CPQ: variants seen among roughly 807,000 people sequenced by gnomAD.
CPQ encodes the protein Ser-Met dipeptidase.
CPQ carries 37 observed loss-of-function variants against 45.7 expected under a neutral mutation model. That is an observed-to-expected ratio of 0.81 (90% CI 0.62 to 1.07). The LOEUF is 1.07. CPQ is among the 50% of genes least tolerant of loss of function. The pLI is 0.00. For synonymous variants in CPQ, 186 were observed against 205.8 expected, an observed-to-expected ratio of 0.90 and a Z score of 0.82; for missense variants, 537 against 572.9, an observed-to-expected ratio of 0.94 and a Z score of 0.64.
At chr8:96,738,689 C>T (rs1469604925) in intron 1 of CPQ, among the ~76,000 whole-genome samples, 2 of 152,094 alleles carry the variant, frequency 1.3e-5, no homozygotes, top group African/African-American at 2.4e-5. Context: ...CAATTCCCAC[C>T]TATGAGTGAG....
intron 7 of CPQ, among the ~76,000 whole-genome samples, chr8:97,090,135 G>A (rs930653698): frequency 1.3e-5 from 2 of 152,196 alleles, no homozygotes; most frequent in African/African-American, 4.8e-5. Context: ...CACACGAATG[G>A]ATGTTTGATG....
intron 2 of CPQ, among the ~76,000 whole-genome samples, chr8:96,827,020 CA>C (rs1223140202): frequency 6.6e-6 from 1 of 151,912 alleles, no homozygotes; most frequent in Non-Finnish European, 1.5e-5. Context: ...TTCTTAGAGA[CA>C]ATGCCAAATC....
intron 5 of CPQ, among the ~76,000 whole-genome samples, chr8:97,005,028 T>C (rs1270724534): frequency 6.6e-6 from 1 of 152,096 alleles, no homozygotes; most frequent in African/African-American, 2.4e-5. Flanking sequence ...AAGGCCTCTA[T>C]AAATGTGACT....
intron 1 of CPQ, among the ~76,000 whole-genome samples, chr8:96,687,965 T>G (rs1809254105): frequency 6.6e-6 from 1 of 152,152 alleles, no homozygotes; most frequent in Non-Finnish European, 1.5e-5. Context: ...GTATATCACT[T>G]AATTTTATTT....
At chr8:96,798,757 G>A (rs1810968229) in intron 2 of CPQ, among the ~76,000 whole-genome samples, 1 of 151,836 alleles carries the variant, frequency 6.6e-6, no homozygotes, top group South Asian at 2.1e-4. Flanking sequence ...AAATTTAATT[G>A]TTCTTTCATC....
chr8:96,835,272 G>A, intron 3 of CPQ, 92 bp downstream of exon 3: 1 of 1,003,500 alleles, frequency 1.0e-6, no homozygotes, highest in Non-Finnish European at 1.4e-6. Flanking sequence ...CCATTCAAAT[G>A]AAAATACTTA....
chr8:96,787,009 C>A (rs1586400589), intron 2 of CPQ, among the ~76,000 whole-genome samples: 1 of 151,944 alleles, frequency 6.6e-6, no homozygotes, highest in African/African-American at 2.4e-5. Context: ...ATATTTGCTA[C>A]AGAAATATTT....
At chr8:96,712,326 G>C (rs1477874135) in intron 1 of CPQ, among the ~76,000 whole-genome samples, 1 of 152,172 alleles carries the variant, frequency 6.6e-6, no homozygotes, top group African/African-American at 2.4e-5. Context: ...GGAGGACAGT[G>C]GCCCTCTTCT....
rs764110279 is a variant in CPQ, at chr8:96,774,270, C to CAA, written c.-34-10580_-34-10579dup. On this transcript the variant is annotated intron_variant, in intron 1 of 7. Coordinates refer to ENST00000220763, the MANE Select transcript of CPQ (RefSeq NM_016134.4). The stretch of plus-strand genomic sequence containing the variant: ...TGGGTGACAGAGCGAGACTCAGTCT[C>CAA]AAAAAAAAAAAAAAAGTTTCAACAT... 4.1e-3 allele frequency among the ~76,000 whole-genome samples: 447 copies of CAA among 108,706 alleles called. 5 individuals carry two copies. Among genetic ancestry groups the CAA allele is most frequent in the African/African-American group, 0.014 (424 of 29,382 alleles). 71.3% of individuals were successfully genotyped at this position (108,706 alleles called of 152,430 possible).
intron 3 of CPQ, among the ~76,000 whole-genome samples, chr8:96,873,535 TC>T (rs750621738): frequency 2.6e-5 from 4 of 151,886 alleles, no homozygotes; most frequent in Non-Finnish European, 4.4e-5. Flanking sequence ...TTGAAAATTT[TC>T]CAAGAGTTAT....
At chr8:96,671,072 T>G (rs189721959) in intron 1 of CPQ, among the ~76,000 whole-genome samples, 22 of 152,310 alleles carry the variant, frequency 1.4e-4, no homozygotes, top group African/African-American at 3.8e-4. Context: ...TCTGTATTCT[T>G]TCTTATAACT....
chr8:97,104,058 T>C (rs78008487), intron 7 of CPQ, among the ~76,000 whole-genome samples: 275 of 152,246 alleles, frequency 1.8e-3, no homozygotes, highest in African/African-American at 6.3e-3. Context: ...AGGGATTTTC[T>C]GAGAATTAGG....
chr8:96,696,440 A>T (rs1809384984), intron 1 of CPQ, among the ~76,000 whole-genome samples: 1 of 151,714 alleles, frequency 6.6e-6, no homozygotes, highest in African/African-American at 2.4e-5. Flanking sequence ...TTGAAGTATA[A>T]TAATAATAAA....
chr8:96,782,176 C>T (rs1440927578), intron 1 of CPQ, among the ~76,000 whole-genome samples: 1 of 152,192 alleles, frequency 6.6e-6, no homozygotes, highest in Non-Finnish European at 1.5e-5. Context: ...AGCTCTGCTC[C>T]TGCAGCAGAT....
intron 5 of CPQ, among the ~76,000 whole-genome samples, chr8:96,982,046 A>G (rs1372466077): frequency 1.3e-5 from 2 of 152,190 alleles, no homozygotes; most frequent in Non-Finnish European, 2.9e-5. Context: ...ATGGCACATG[A>G]TGTTAAAGAA....
intron 7 of CPQ, among the ~76,000 whole-genome samples, chr8:97,109,476 A>C (rs1811464536): frequency 6.6e-6 from 1 of 151,908 alleles, no homozygotes; most frequent in African/African-American, 2.4e-5. Context: ...CTCACCCTTC[A>C]CAGCTTTACC....
chr8:96,887,289 A>C (rs1313648290), intron 4 of CPQ, among the ~76,000 whole-genome samples: 1 of 152,216 alleles, frequency 6.6e-6, no homozygotes, highest in Non-Finnish European at 1.5e-5. Flanking sequence ...GTATGCTTTG[A>C]CCAGGCTAAC....
Position 96,767,577 on chromosome 8 carries a change from A to G in CPQ, c.-34-17287A>G, listed in dbSNP as rs117255157. On this transcript the variant is annotated intron_variant, in intron 1 of 7. Transcript: ENST00000220763. ...AAATATGATGCTCTTTTTAACAATT[A>G]GTCTTTGGATATAGAAGTTGCTGAT... Among the ~76,000 whole-genome samples, 7 of 135,422 alleles carry G rather than the reference A, an allele frequency of 5.2e-5. No individual in the cohort carries two copies. In the East Asian group the frequency reaches 1.5e-3, roughly 30 times the overall value. 88.8% of individuals were successfully genotyped at this position (135,422 alleles called of 152,430 possible).
chr8:96,701,538 G>T (rs10504965), intron 1 of CPQ, among the ~76,000 whole-genome samples: 40,540 of 152,002 alleles, frequency 0.27, 5,790 homozygotes, highest in East Asian at 0.59. Context: ...TAATTTGGAA[G>T]ATTAAATGTA....
Sources: gnomAD v4.1 joint callset for allele counts (sites outside exome capture counted in the v4.1 genomes callset) on GRCh38, gnomAD v4.1.1 for gene constraint, MANE v1.5 for transcripts, NCBI Gene and HGNC (gene_info 2026-07-23, HGNC 2026-07-21) for gene names.